SCARB2: variants seen among roughly 807,000 people sequenced by gnomAD.
SCARB2 encodes the protein lysosome membrane protein 2.
SCARB2 carries 29 observed loss-of-function variants against 58.6 expected under a neutral mutation model. That is an observed-to-expected ratio of 0.49 (90% CI 0.37 to 0.67). SCARB2 has a LOEUF of 0.67. SCARB2 is among the 30% of genes least tolerant of loss of function. The pLI is 0.00. For missense variants in SCARB2, 488 were observed against 578.5 expected (o/e 0.84, Z 1.60); for synonymous variants, 195 against 210.1 (o/e 0.93, Z 0.62).
At chr4:76,166,005 C>G (rs1470794196) in intron 10 of SCARB2, 2 of 589,506 alleles carry the variant, frequency 3.4e-6, no homozygotes, top group Non-Finnish European at 3.0e-6. Flanking sequence ...AGCAGCTCCC[C>G]AGAAGGGAGT....
At chr4:76,181,202 T>C in intron 2 of SCARB2, 101 bp from the exon 3 acceptor site, 1 of 1,192,436 alleles carries the variant, frequency 8.4e-7, no homozygotes, top group Non-Finnish European at 1.2e-6. Context: ...AATATAACAT[T>C]CCCAATATAA....
intron 7 of SCARB2, among the ~76,000 whole-genome samples, chr4:76,172,065 T>C (rs1337324116): frequency 6.7e-6 from 1 of 148,594 alleles, no homozygotes; most frequent in African/African-American, 2.5e-5. Flanking sequence ...TATGCAAATA[T>C]ATGCATATTT....
intron 1 of SCARB2, among the ~76,000 whole-genome samples, chr4:76,198,927 G>T (rs1476507358): frequency 1.3e-5 from 2 of 151,918 alleles, no homozygotes; most frequent in Non-Finnish European, 2.9e-5. Flanking sequence ...AGAACAGAGG[G>T]AAGTTGTAAA....
Position 76,213,412 on chromosome 4 carries a change from C to T in SCARB2, c.117+15G>A, listed in dbSNP as rs762251387. ...GGACGACTCCACAACACACACACAG[C>T]CCGCCCCGCCTCACCTTCTCGATAC... On this transcript the variant is annotated intron_variant, in intron 1 of 11. Transcript: ENST00000264896. 2 of 1,569,292 alleles carry T rather than the reference C, an allele frequency of 1.3e-6. No homozygotes were observed. Among genetic ancestry groups the T allele is most frequent in the Non-Finnish European group, 1.7e-6 (2 of 1,144,108 alleles).
chr4:76,222,874 G>T (rs895515454), intron 1 of SCARB2, among the ~76,000 whole-genome samples: 2 of 152,192 alleles, frequency 1.3e-5, no homozygotes, highest in African/African-American at 2.4e-5. Context: ...CCTAGTTTAA[G>T]TCTTGGTCAG....
At chr4:76,175,646 T>A (rs1732237061) in intron 6 of SCARB2, 145 bp downstream of exon 6, 1 of 954,030 alleles carries the variant, frequency 1.0e-6, no homozygotes, top group Non-Finnish European at 1.6e-6. Context: ...CACTATACTG[T>A]CTCGATGTGC....
At chr4:76,161,869 C>T in intron 11 of SCARB2, 118 bp from the exon 12 acceptor site, 1 of 876,802 alleles carries the variant, frequency 1.1e-6, no homozygotes, top group South Asian at 1.4e-5. Flanking sequence ...AGGAAGGTGG[C>T]TCATCTCACT....
intron 1 of SCARB2, chr4:76,213,009 C>G (rs575372109): frequency 2.4e-4 from 67 of 283,316 alleles, no homozygotes; most frequent in Non-Finnish European, 4.3e-4. Flanking sequence ...CATCCCCAGG[C>G]GCACACCACT....
intron 8 of SCARB2, among the ~76,000 whole-genome samples, chr4:76,169,169 G>A (rs1268500747): frequency 6.6e-6 from 1 of 151,824 alleles, no homozygotes; most frequent in Non-Finnish European, 1.5e-5. Flanking sequence ...GCAGCTAAGA[G>A]TGTGAAGTAC....
chr4:76,160,016 T>C lies in SCARB2; in HGVS notation c.*1697A>G, dbSNP rs1214529433. The stretch of plus-strand genomic sequence containing the variant: ...AGCATTATTGAAGACCAAATATTTT[T>C]GTTAGTTTTTTTACATTTTGGTGAG... On this transcript the variant is annotated 3_prime_UTR_variant, in exon 12 of 12. Transcript: ENST00000264896. The C allele has an allele frequency of 6.6e-6, 1 of 152,208 alleles. No homozygotes were observed. Among genetic ancestry groups the C allele is most frequent in the East Asian group, 1.9e-4 (1 of 5,202 alleles). The allele number at this position is 152,208 out of a possible 1,614,324, so 9.4% of individuals were successfully genotyped here.
intron 6 of SCARB2, chr4:76,175,381 G>C (rs907500267): frequency 2.4e-5 from 6 of 250,744 alleles, no homozygotes; most frequent in Middle Eastern, 1.5e-3. Context: ...ATGCTTGACA[G>C]AGCATATCAT....
At chr4:76,226,085 C>T (rs564191527) in intron 1 of SCARB2, among the ~76,000 whole-genome samples, 11 of 145,080 alleles carry the variant, frequency 7.6e-5, no homozygotes, top group East Asian at 5.8e-4. Flanking sequence ...AACACCAGGT[C>T]GTGGTGGCTA....
chr4:76,165,991 C>T (rs917299274), intron 10 of SCARB2: 6 of 569,838 alleles, frequency 1.1e-5, no homozygotes, highest in Admixed American at 6.0e-5. Context: ...CTGTTTCCTA[C>T]GTGAGCAGCT....
chr4:76,172,705 A>T (rs1732158503), intron 7 of SCARB2: 1 of 151,034 alleles, frequency 6.6e-6, no homozygotes, highest in Admixed American at 6.6e-5. Context: ...TTTTTAAAAG[A>T]TGGAGTCTCG....
At chr4:76,230,006 ATAG>A (rs1733466207) in intron 1 of SCARB2, among the ~76,000 whole-genome samples, 1 of 152,206 alleles carries the variant, frequency 6.6e-6, no homozygotes, top group Non-Finnish European at 1.5e-5. Flanking sequence ...ACCAGCTACG[ATAG>A]TAGAATGGGG....
intron 1 of SCARB2, among the ~76,000 whole-genome samples, chr4:76,197,050 A>G (rs1369643845): frequency 6.6e-6 from 1 of 152,228 alleles, no homozygotes; most frequent in African/African-American, 2.4e-5. Flanking sequence ...AAACACGCAG[A>G]ACTGACAGCC....
intron 10 of SCARB2, chr4:76,165,550 G>T (rs1731989520): frequency 6.6e-6 from 1 of 152,044 alleles, no homozygotes; most frequent in South Asian, 2.1e-4. Context: ...TTTTAAAGTT[G>T]TTATTGGAAA....
chr4:76,169,993 T>C lies in SCARB2; in HGVS notation c.995-8A>G. 1 of 1,603,278 alleles carries C rather than the reference T, an allele frequency of 6.2e-7. No individual in the cohort carries two copies. The highest frequency in any genetic ancestry group is 8.5e-7 in the Non-Finnish European group (1 of 1,170,656). ...ACATAATGATGGGTGCACCTGCATT[T>C]GAAGGAAAACAGAAATGAATGATGC... On this transcript the variant is annotated splice_region_variant and splice_polypyrimidine_tract_variant and intron_variant, in intron 7 of 11. Coordinates refer to ENST00000264896, the MANE Select transcript of SCARB2 (RefSeq NM_005506.4).
At chr4:76,194,679 A>T (rs1267643218) in intron 2 of SCARB2, 1 of 152,210 alleles carries the variant, frequency 6.6e-6, no homozygotes, top group African/African-American at 2.4e-5. Flanking sequence ...AAAAAGAAAG[A>T]TCTTGTTGTC....
Sources: allele counts gnomAD v4.1 joint callset (sites outside exome capture counted in the v4.1 genomes callset), GRCh38; gene constraint gnomAD v4.1.1; transcripts MANE v1.5; gene names NCBI Gene and HGNC (gene_info 2026-07-23, HGNC 2026-07-21).